The following ARHGEF11 variants were observed in gnomAD, a reference collection of about 807,000 sequenced individuals.
ARHGEF11 encodes Rho guanine nucleotide exchange factor 11, also known as Rho guanine exchange factor (GEF) 11.
Under a neutral mutation model 193.7 loss-of-function variants are expected in ARHGEF11, and 55 were observed. The observed-to-expected ratio is 0.28, with a 90% CI of 0.23 to 0.36. The LOEUF is 0.36. Ranked by LOEUF, ARHGEF11 falls within the 10% of genes least tolerant of loss-of-function variation. The pLI is 1.00. For synonymous variants in ARHGEF11, 693 were observed against 768.0 expected (o/e 0.90, Z 1.62); for missense variants, 1,723 against 2,005.6 (o/e 0.86, Z 2.69).
intron 36 of ARHGEF11, 74 bp downstream of exon 36, chr1:156,940,133 G>A: frequency 1.3e-6 from 2 of 1,481,828 alleles, no homozygotes; most frequent in Non-Finnish European, 1.8e-6. Flanking sequence ...GGTGGAGGGT[G>A]CAGGCGCCTG....
intron 15 of ARHGEF11, 54 bp from the exon 16 acceptor site, chr1:156,959,196 G>C: frequency 6.7e-7 from 1 of 1,499,716 alleles, no homozygotes; most frequent in Non-Finnish European, 9.2e-7. Context: ...GGGTGGAGGG[G>C]GATCCCTTCT....
At position 156,978,350 on chromosome 1, in the gene ARHGEF11, A is replaced by C; in HGVS notation, c.364T>G (p.Ser122Ala). ...GAGATGCCCATGGATGAAGGTGAAG[A>C]GCCCAGGAGGGTGAGTGCGACATAG... ...GAYVALTLLG[S>A]SPSSMGISGL... Residue 122 changes from serine (S) to alanine (A), a missense_variant, in exon 6 of 41, where the codon TCT (serine) becomes GCT (alanine). Ser to Ala is a moderately conservative substitution (Grantham distance 99). This residue lies in a region of ARHGEF11 where 646 missense variants were observed against 710.7 expected (regional missense o/e 0.91). Transcript: ENST00000368194. 6.2e-7 allele frequency: 1 copy of C among 1,611,906 alleles called. No individual in the cohort carries two copies. The highest frequency in any genetic ancestry group is 8.5e-7 in the Non-Finnish European group (1 of 1,178,850).
chr1:156,987,957 A>C (rs1222021928), intron 1 of ARHGEF11, among the ~76,000 whole-genome samples: 1 of 152,234 alleles, frequency 6.6e-6, no homozygotes, highest in Non-Finnish European at 1.5e-5. Context: ...AACAGCCATC[A>C]GCTTTCTAAC....
At chr1:156,945,892 A>AT in intron 29 of ARHGEF11, 153 bp downstream of exon 29, 1 of 618,526 alleles carries the variant, frequency 1.6e-6, no homozygotes, top group East Asian at 2.8e-5. Context: ...ATTTACAATC[A>AT]TTTTCTTCTC....
At chr1:156,971,356 T>C (rs1404303459) in intron 8 of ARHGEF11, among the ~76,000 whole-genome samples, 1 of 152,214 alleles carries the variant, frequency 6.6e-6, no homozygotes, top group Non-Finnish European at 1.5e-5. Flanking sequence ...AAAACCAGTA[T>C]AGAAATGTAC....
chr1:156,952,814 A>C (rs1301936153), intron 21 of ARHGEF11, among the ~76,000 whole-genome samples: 1 of 152,244 alleles, frequency 6.6e-6, no homozygotes, highest in Non-Finnish European at 1.5e-5. Flanking sequence ...CATCACTCTC[A>C]CTTTGGAGAT....
At chr1:156,968,226 C>T in intron 10 of ARHGEF11, 102 bp from the exon 11 acceptor site, 1 of 1,332,502 alleles carries the variant, frequency 7.5e-7, no homozygotes. Flanking sequence ...ATAACATCAG[C>T]TAAGAGAAGT....
chr1:157,000,249 C>T (rs1667055254), intron 1 of ARHGEF11, among the ~76,000 whole-genome samples: 1 of 152,216 alleles, frequency 6.6e-6, no homozygotes, highest in African/African-American at 2.4e-5. Context: ...AGGTATGATC[C>T]ACCGTGCCCG....
Position 156,937,314 on chromosome 1 carries a change from G to A in ARHGEF11, c.4375C>T (p.Leu1459Phe), listed in dbSNP as rs768508284. The A allele has an allele frequency of 6.2e-7, 1 of 1,613,978 alleles. No individual in the cohort carries two copies. The highest frequency in any genetic ancestry group is 8.5e-7 in the Non-Finnish European group (1 of 1,179,948). The change falls in exon 39 of 41, where the codon CTC (leucine) becomes TTC (phenylalanine). Residue 1459 changes from leucine (L) to phenylalanine (F), a missense_variant. Coordinates refer to ENST00000368194, the MANE Select transcript of ARHGEF11 (RefSeq NM_198236.3). ...TGGAAGATCATGCCCACGTCCCTGAGGGCCAGGCTTGGAGGAGAGCGGCTG... is the reference window on the plus strand; with the variant it reads ...TGGAAGATCATGCCCACGTCCCTGAAGGCCAGGCTTGGAGGAGAGCGGCTG... Reference protein sequence around the residue: ...RPSRSPPSLALRDVGMIFHTI... With the variant: ...RPSRSPPSLAFRDVGMIFHTI...
chr1:156,976,167 G>A (rs937096287), intron 7 of ARHGEF11, among the ~76,000 whole-genome samples: 1 of 152,126 alleles, frequency 6.6e-6, no homozygotes, highest in Non-Finnish European at 1.5e-5. Context: ...CTCAGTGCTT[G>A]TGAAATAAAT....
chr1:156,956,514 C>G lies in ARHGEF11; in HGVS notation c.1577G>C (p.Arg526Pro). 1 of 1,614,086 alleles carries G rather than the reference C, an allele frequency of 6.2e-7. No individual in the cohort carries two copies. The highest frequency in any genetic ancestry group is 8.5e-7 in the Non-Finnish European group (1 of 1,180,018). The change falls in exon 19 of 41, where the codon CGT becomes CCT. Residue 526 changes from arginine to proline, a missense_variant. Transcript: ENST00000368194. ...GTTGGAAGGTCGTGCCTCTCGAAGA[C>G]GGATCCCAGCATGGCTCATGTAGGT... ...LNTYMSHAGIRLREARPSNTA... is the reference protein window; with the variant it reads ...LNTYMSHAGIPLREARPSNTA...
At chr1:157,014,852 ACC>A (rs1207384664) in intron 1 of ARHGEF11, among the ~76,000 whole-genome samples, 3 of 151,972 alleles carry the variant, frequency 2.0e-5, no homozygotes, top group Non-Finnish European at 4.4e-5. Context: ...ACTTTATCCT[ACC>A]CTTCCTTCTT....
intron 5 of ARHGEF11, among the ~76,000 whole-genome samples, chr1:156,978,700 T>C (rs16837901): frequency 0.027 from 4,090 of 152,330 alleles, 72 homozygotes; most frequent in South Asian, 0.054. Flanking sequence ...TGTCACACTC[T>C]GAGCATACTG....
intron 1 of ARHGEF11, among the ~76,000 whole-genome samples, chr1:156,996,992 GC>G (rs1201621139): frequency 1.3e-5 from 2 of 150,864 alleles, no homozygotes; most frequent in African/African-American, 4.9e-5. Context: ...CTCTCAAGTA[GC>G]TGGGATTACA....
At chr1:157,043,872 C>T (rs146966332) in intron 1 of ARHGEF11, among the ~76,000 whole-genome samples, 1 of 152,306 alleles carries the variant, frequency 6.6e-6, no homozygotes. Context: ...TACCAACCAG[C>T]CTGGTGGAGG....
chr1:156,946,816 G>A, intron 27 of ARHGEF11, 29 bp from the exon 28 acceptor site: 1 of 1,613,254 alleles, frequency 6.2e-7, no homozygotes, highest in Non-Finnish European at 8.5e-7. Flanking sequence ...CACGGGGCCA[G>A]GCATCAAACC....
At chr1:156,976,264 C>T (rs1191958474) in intron 7 of ARHGEF11, among the ~76,000 whole-genome samples, 1 of 152,058 alleles carries the variant, frequency 6.6e-6, no homozygotes, top group East Asian at 1.9e-4. Flanking sequence ...TACTAAAGTA[C>T]CACTCTTCAA....
At chr1:157,016,139 G>T in intron 1 of ARHGEF11, among the ~76,000 whole-genome samples, 1 of 152,330 alleles carries the variant, frequency 6.6e-6, no homozygotes, top group African/African-American at 2.4e-5. Context: ...TGTGAGGACT[G>T]AATGAGGCAC....
In ARHGEF11 at chr1:156,980,418, G is replaced by C. The variant is rs747876809; in HGVS notation, c.273+19C>G. 14 of 1,601,122 alleles carry C rather than the reference G, an allele frequency of 8.7e-6. No individual in the cohort carries two copies. The highest frequency in any genetic ancestry group is 1.1e-5 in the Non-Finnish European group (13 of 1,173,252). On this transcript the variant is annotated intron_variant, in intron 4 of 40. Coordinates refer to ENST00000368194, the MANE Select transcript of ARHGEF11 (RefSeq NM_198236.3). ...TATTTCCACTGCTGGGAGTGGGAGT[G>C]TGTGTTGGGGTCACTCACTTTGATG...
Sources: allele counts gnomAD v4.1 joint callset (sites outside exome capture counted in the v4.1 genomes callset), GRCh38; gene constraint gnomAD v4.1.1; regional missense constraint gnomAD v4.1.1; transcripts MANE v1.5; gene names NCBI Gene and HGNC (gene_info 2026-07-23, HGNC 2026-07-21).